VRTN: variants seen among roughly 807,000 people sequenced by gnomAD.
VRTN encodes the protein vertnin.
In VRTN, 5 loss-of-function variants were observed where a neutral mutation model predicts 18.2. The observed-to-expected ratio is 0.27, with a 90% CI of 0.14 to 0.58. The LOEUF is 0.58. VRTN is among the 20% of genes least tolerant of loss of function. VRTN has a pLI of 0.91. For missense variants in VRTN, 741 were observed against 939.4 expected, an observed-to-expected ratio of 0.79 and a Z score of 2.76; for synonymous variants, 381 against 393.7, an observed-to-expected ratio of 0.97 and a Z score of 0.38.
At chr14:74,339,756 G>A (rs536839865) in intron 2 of VRTN, among the ~76,000 whole-genome samples, 2 of 152,300 alleles carry the variant, frequency 1.3e-5, no homozygotes, top group East Asian at 3.9e-4. Context: ...TGAGGCTGCA[G>A]TGAGCTGTGA....
upstream of VRTN, among the ~76,000 whole-genome samples, chr14:74,345,471 C>T (rs2085637968): frequency 6.6e-6 from 1 of 150,732 alleles, no homozygotes; most frequent in Non-Finnish European, 1.5e-5. Flanking sequence ...CCTGCCTCAG[C>T]CTCCCGAGTA....
At chr14:74,312,889 C>T (rs1317774994) in intron 1 of VRTN, among the ~76,000 whole-genome samples, 1 of 151,642 alleles carries the variant, frequency 6.6e-6, no homozygotes, top group Non-Finnish European at 1.5e-5. Context: ...ATTACAGGCT[C>T]ACTCCACCAC....
In VRTN at chr14:74,358,340, G is replaced by A; in HGVS notation, c.1557G>A (p.Val519=). ...RRLRRAARRQ[V]LSGHLPFCRF... is the part of the protein sequence containing the mutation. The stretch of plus-strand genomic sequence containing the variant: ...TGCGCAGGGCTGCCCGCAGGCAGGT[G>A]CTGAGTGGGCATCTCCCTTTCTGCC... Residue 519 remains valine, a synonymous_variant, in exon 2 of 2, where the codon GTG becomes GTA. Coordinates refer to ENST00000256362, the MANE Select transcript of VRTN (RefSeq NM_018228.3). This position sits in a 1 kb window ranked among gnomAD's most constrained non-coding sequence, Gnocchi z 5.4. The A allele has an allele frequency of 6.2e-7, 1 of 1,613,446 alleles. No individual in the cohort carries two copies. Among genetic ancestry groups the A allele is most frequent in the Middle Eastern group, 1.7e-4 (1 of 6,060 alleles).
chr14:74,314,636 TC>T (rs1301620912), intron 1 of VRTN, among the ~76,000 whole-genome samples: 1 of 151,972 alleles, frequency 6.6e-6, no homozygotes, highest in East Asian at 1.9e-4. Flanking sequence ...TCTCCTGACC[TC>T]CATGATCCGC....
chr14:74,331,542 TTTTATATA>T (rs1185489298), intron 1 of VRTN, among the ~76,000 whole-genome samples: 44 of 64,922 alleles, frequency 6.8e-4, no homozygotes, highest in Middle Eastern at 7.5e-3. Flanking sequence ...AAAAAAAAAA[TTTTATATA>T]TATATATATA....
chr14:74,322,259 C>G (rs2085460964), intron 1 of VRTN, among the ~76,000 whole-genome samples: 1 of 151,916 alleles, frequency 6.6e-6, no homozygotes, highest in African/African-American at 2.4e-5. Context: ...AAGCAATCCT[C>G]TCACCTCAGC....
intron 2 of VRTN, among the ~76,000 whole-genome samples, chr14:74,339,416 A>T (rs928862742): frequency 1.3e-5 from 2 of 151,158 alleles, no homozygotes; most frequent in African/African-American, 4.9e-5. Flanking sequence ...GGGACTCTGG[A>T]TGGGGGAGTA....
intron 1 of VRTN, among the ~76,000 whole-genome samples, chr14:74,329,905 C>T (rs1269770676): frequency 1.4e-5 from 2 of 144,744 alleles, no homozygotes; most frequent in Non-Finnish European, 1.5e-5. Context: ...CAGAGTCTTG[C>T]TGTATCACCC....
chr14:74,352,241 C>T (rs1325156336), intron 1 of VRTN, among the ~76,000 whole-genome samples: 4 of 151,868 alleles, frequency 2.6e-5, no homozygotes, highest in African/African-American at 7.2e-5. Flanking sequence ...GTGCGGTGGG[C>T]GATCTCGGCT....
At chr14:74,348,150 C>G (rs955605405), upstream of VRTN, among the ~76,000 whole-genome samples, 1 of 152,162 alleles carries the variant, frequency 6.6e-6, no homozygotes, top group Non-Finnish European at 1.5e-5. Flanking sequence ...TCTCTTCCAC[C>G]TCCTCTGCAA....
chr14:74,325,482 A>T (rs1006990914), intron 1 of VRTN, among the ~76,000 whole-genome samples: 23 of 152,220 alleles, frequency 1.5e-4, no homozygotes, highest in African/African-American at 5.1e-4. Flanking sequence ...AATGGATAAG[A>T]GATGAACACA....
upstream of VRTN, among the ~76,000 whole-genome samples, chr14:74,345,971 G>A (rs1035946916): frequency 7.3e-5 from 11 of 150,028 alleles, no homozygotes; most frequent in Non-Finnish European, 1.5e-4. Context: ...AATACCCATA[G>A]AGAAACTAGA....
At chr14:74,303,391 A>T (rs968444478) in intron 1 of VRTN, among the ~76,000 whole-genome samples, 1 of 152,154 alleles carries the variant, frequency 6.6e-6, no homozygotes, top group Non-Finnish European at 1.5e-5. Context: ...CCTTTACAAA[A>T]GACAAAAGCA....
chr14:74,323,322 G>T (rs943173457), intron 1 of VRTN, among the ~76,000 whole-genome samples: 1 of 152,048 alleles, frequency 6.6e-6, no homozygotes, highest in Non-Finnish European at 1.5e-5. Context: ...GGTGGCTCAT[G>T]CCTGTAATCC....
rs770256532 is a variant in VRTN, at chr14:74,357,449, G to C, written c.666G>C (p.Trp222Cys). 6.2e-7 allele frequency: 1 copy of C among 1,611,912 alleles called. No individual in the cohort carries two copies. The highest frequency in any genetic ancestry group is 8.5e-7 in the Non-Finnish European group (1 of 1,179,998). Residue 222 changes from tryptophan (W) to cysteine (C), a missense_variant, in exon 2 of 2, where the codon TGG becomes TGC. By Grantham distance (215) the Trp-to-Cys change is radical. Around this residue, in one of 3 missense-constraint regions of VRTN, gnomAD observed 494 missense variants for 546.5 expected, o/e 0.90. Coordinates refer to ENST00000256362, the MANE Select transcript of VRTN (RefSeq NM_018228.3). The surrounding 1 kb of genome is among the most constrained non-coding windows in gnomAD (Gnocchi z 7.8). ...TGCCCTCCACGCTGCACATCATGTG[G>C]GCTGGCCAGCCCCTCACCAGCCACT... ...DHVPSTLHIMWAGQPLTSHFF... is the reference protein window; with the variant it reads ...DHVPSTLHIMCAGQPLTSHFF...
chr14:74,356,124 G>C (rs146216663), intron 1 of VRTN, among the ~76,000 whole-genome samples: 1 of 151,948 alleles, frequency 6.6e-6, no homozygotes, highest in African/African-American at 2.4e-5. Context: ...GAGCCACCAC[G>C]CCCAGCCAAC....
intron 1 of VRTN, among the ~76,000 whole-genome samples, chr14:74,336,069 G>T (rs2085561891): frequency 6.6e-6 from 1 of 150,828 alleles, no homozygotes; most frequent in Non-Finnish European, 1.5e-5. Flanking sequence ...TTTACAAAAA[G>T]AATGCATTCT....
chr14:74,356,653 G>A, intron 1 of VRTN, 130 bp from the exon 2 acceptor site: 1 of 1,277,872 alleles, frequency 7.8e-7, no homozygotes, highest in Non-Finnish European at 1.1e-6. Context: ...AATCCCGTCT[G>A]TTGTGGGAGG....
At chr14:74,351,881 G>A (rs569415926) in intron 1 of VRTN, among the ~76,000 whole-genome samples, 2 of 151,860 alleles carry the variant, frequency 1.3e-5, no homozygotes, top group African/African-American at 4.8e-5. Context: ...GTCTCGCTCT[G>A]TTTCCAGGCT....
Sources: gnomAD v4.1 joint callset for allele counts (sites outside exome capture counted in the v4.1 genomes callset) on GRCh38, gnomAD v4.1.1 for gene constraint, gnomAD v4.1.1 regional missense constraint, Gnocchi (gnomAD v3.1) non-coding constraint, MANE v1.5 for transcripts, NCBI Gene and HGNC (gene_info 2026-07-23, HGNC 2026-07-21) for gene names.